Variants in TRPM6 observed in about 807,000 individuals in gnomAD.
TRPM6 encodes the protein channel kinase 2.
TRPM6 carries 111 observed loss-of-function variants against 247.6 expected under a neutral mutation model. The ratio of observed to expected loss-of-function variants is 0.45; its 90% confidence interval spans 0.38 to 0.52. The LOEUF (loss-of-function observed/expected upper bound fraction) is 0.52, where lower values mean the gene tolerates loss of function less well. TRPM6 is among the 20% of genes least tolerant of loss of function. The pLI is 0.00. For missense variants in TRPM6, 2,126 were observed against 2,421.5 expected (o/e 0.88, Z 2.56); for synonymous variants, 892 against 853.8 (o/e 1.04, Z -0.78).
chr9:74,788,502 T>A (rs1827774354), intron 20 of TRPM6, 112 bp downstream of exon 20: 1 of 1,298,024 alleles, frequency 7.7e-7, no homozygotes, highest in Non-Finnish European at 1.1e-6. Flanking sequence ...TGTCCTGTCT[T>A]CCCCCACCCT....
At chr9:74,796,958 C>A (rs1029843517) in intron 17 of TRPM6, 65 bp from the exon 18 acceptor site, 16 of 1,407,612 alleles carry the variant, frequency 1.1e-5, no homozygotes, top group Non-Finnish European at 1.4e-5. Context: ...AGACAAATAA[C>A]AAAATTAAGA....
chr9:74,727,488 G>A (rs1243725544), intron 38 of TRPM6, among the ~76,000 whole-genome samples: 8 of 151,790 alleles, frequency 5.3e-5, no homozygotes, highest in South Asian at 2.1e-4. Flanking sequence ...CTTCAAATTC[G>A]GGGTATGATC....
intron 4 of TRPM6, among the ~76,000 whole-genome samples, chr9:74,840,486 C>A (rs1282361014): frequency 6.6e-6 from 1 of 152,192 alleles, no homozygotes; most frequent in Non-Finnish European, 1.5e-5. Flanking sequence ...GGCTGGCCCA[C>A]CAATGCTCTC....
chr9:74,808,842 C>T (rs937510713), intron 13 of TRPM6, among the ~76,000 whole-genome samples: 6 of 152,180 alleles, frequency 3.9e-5, no homozygotes, highest in South Asian at 4.1e-4. Flanking sequence ...TATGCAGCCA[C>T]GTTCTTCCTT....
At chr9:74,727,049 G>T (rs1825354282) in intron 38 of TRPM6, among the ~76,000 whole-genome samples, 1 of 152,020 alleles carries the variant, frequency 6.6e-6, no homozygotes, top group African/African-American at 2.4e-5. Flanking sequence ...ATTCCCAGTG[G>T]AACTGGAAGC....
chr9:74,726,873 C>G (rs146498019), intron 38 of TRPM6, among the ~76,000 whole-genome samples: 1 of 152,292 alleles, frequency 6.6e-6, no homozygotes, highest in Non-Finnish European at 1.5e-5. Flanking sequence ...CCTTCCTGAG[C>G]TCCTTTTGAC....
chr9:74,840,409 C>T (rs574595162), intron 4 of TRPM6, among the ~76,000 whole-genome samples, 172 bp from the exon 5 acceptor site: 1 of 152,256 alleles, frequency 6.6e-6, no homozygotes, highest in African/African-American at 2.4e-5. Flanking sequence ...TTAAAAGATT[C>T]CACACTCCCA....
intron 8 of TRPM6, 62 bp from the exon 9 acceptor site, chr9:74,820,489 T>C: frequency 3.1e-6 from 5 of 1,606,182 alleles, no homozygotes; most frequent in Non-Finnish European, 3.4e-6. Context: ...GCAACATCAG[T>C]ACAAGAAAAC....
At chr9:74,824,299 C>T (rs1379699856) in intron 7 of TRPM6, among the ~76,000 whole-genome samples, 2 of 151,232 alleles carry the variant, frequency 1.3e-5, no homozygotes, top group Admixed American at 6.6e-5. Context: ...TACAGGTGCG[C>T]GCCATCATGC....
intron 5 of TRPM6, among the ~76,000 whole-genome samples, chr9:74,838,217 G>A (rs1829794160): frequency 6.6e-6 from 1 of 152,160 alleles, no homozygotes; most frequent in Non-Finnish European, 1.5e-5. Context: ...ACGACATGCA[G>A]TTAGTTATTC....
chr9:74,771,641 A>G (rs1827045735), intron 25 of TRPM6, 62 bp downstream of exon 25: 1 of 1,537,886 alleles, frequency 6.5e-7, no homozygotes, highest in Admixed American at 1.7e-5. Flanking sequence ...ACACCTTTAG[A>G]TATTCTAGCA....
chr9:74,802,618 T>C (rs1449427626), intron 15 of TRPM6, among the ~76,000 whole-genome samples: 1 of 152,202 alleles, frequency 6.6e-6, no homozygotes, highest in Admixed American at 6.5e-5. Flanking sequence ...AATAGCGTAT[T>C]GGATACATGG....
intron 15 of TRPM6, 62 bp from the exon 16 acceptor site, chr9:74,802,237 T>G (rs952504854): frequency 6.1e-6 from 9 of 1,474,172 alleles, no homozygotes; most frequent in African/African-American, 1.4e-5. Flanking sequence ...TTTTACCTAA[T>G]TCAACACAGC....
At chr9:74,838,533 G>C (rs1829802733) in intron 5 of TRPM6, among the ~76,000 whole-genome samples, 2 of 152,390 alleles carry the variant, frequency 1.3e-5, no homozygotes, top group South Asian at 4.1e-4. Flanking sequence ...TGCTTAGGCA[G>C]ATGCTCAGGC....
At chr9:74,786,853 T>C (rs1827694282) in intron 20 of TRPM6, among the ~76,000 whole-genome samples, 1 of 152,216 alleles carries the variant, frequency 6.6e-6, no homozygotes, top group Non-Finnish European at 1.5e-5. Flanking sequence ...CAAGGAATCC[T>C]GTAATCCAGT....
chr9:74,876,011 A>G (rs980463941), intron 1 of TRPM6, among the ~76,000 whole-genome samples: 1 of 152,252 alleles, frequency 6.6e-6, no homozygotes, highest in African/African-American at 2.4e-5. Flanking sequence ...TTCCCCAAGA[A>G]AAGAAAGATG....
At chr9:74,820,230 G>A in intron 9 of TRPM6, 74 bp downstream of exon 9, 1 of 1,506,852 alleles carries the variant, frequency 6.6e-7, no homozygotes, top group Non-Finnish European at 9.1e-7. Flanking sequence ...TTTTTTAATT[G>A]TGAAAATAAA....
intron 17 of TRPM6, among the ~76,000 whole-genome samples, chr9:74,797,672 T>C (rs1489910144): frequency 6.6e-6 from 1 of 152,120 alleles, no homozygotes. Context: ...TGTTAAAAAA[T>C]AAAATTAAAA....
intron 5 of TRPM6, among the ~76,000 whole-genome samples, chr9:74,834,691 G>A (rs1829664508): frequency 7.1e-6 from 1 of 140,630 alleles, no homozygotes; most frequent in Non-Finnish European, 1.5e-5. Context: ...TCCCACCTAT[G>A]AGTGAGAACA....
Sources: gnomAD v4.1 joint callset for allele counts (sites outside exome capture counted in the v4.1 genomes callset) on GRCh38, gnomAD v4.1.1 for gene constraint, MANE v1.5 for transcripts, NCBI Gene and HGNC (gene_info 2026-07-23, HGNC 2026-07-21) for gene names.